The following LNX1 variants were observed in gnomAD, a reference collection of about 807,000 sequenced individuals.
LNX1 encodes the protein E3 ubiquitin-protein ligase LNX.
In LNX1, 54 loss-of-function variants were observed where a neutral mutation model predicts 68.4. That is an observed-to-expected ratio of 0.79 (90% CI 0.63 to 0.99). LNX1 has a LOEUF of 0.99. Among genes scored for constraint, LNX1 ranks in the 50% least tolerant of loss-of-function variants. The pLI is 0.00. For synonymous variants in LNX1, 336 were observed against 350.0 expected (o/e 0.96, Z 0.45); for missense variants, 906 against 926.4 (o/e 0.98, Z 0.29).
chr4:53,614,946 A>T (rs1463278468), intron 2 of LNX1, among the ~76,000 whole-genome samples: 1 of 150,928 alleles, frequency 6.6e-6, no homozygotes, highest in Non-Finnish European at 1.5e-5. Flanking sequence ...ATCTTATCCC[A>T]AGTTGACTTT....
At chr4:53,579,337 G>A in intron 1 of LNX1, 1 of 878,472 alleles carries the variant, frequency 1.1e-6, no homozygotes, top group East Asian at 1.2e-4. Context: ...CCTTCTTTCT[G>A]ATCTGGAATA....
At chr4:53,637,113 G>C (rs568773069) in intron 1 of LNX1, among the ~76,000 whole-genome samples, 4 of 152,082 alleles carry the variant, frequency 2.6e-5, no homozygotes, top group African/African-American at 7.2e-5. Flanking sequence ...AGTTTGATGA[G>C]AGGAAACCCA....
chr4:53,616,341 C>A (rs1733677545), intron 2 of LNX1, among the ~76,000 whole-genome samples: 1 of 152,200 alleles, frequency 6.6e-6, no homozygotes, highest in Non-Finnish European at 1.5e-5. Context: ...CAAAGGCAGG[C>A]ACTGCATCTA....
At chr4:53,499,700 TC>T (rs1453545180) in intron 4 of LNX1, among the ~76,000 whole-genome samples, 1 of 152,232 alleles carries the variant, frequency 6.6e-6, no homozygotes, top group East Asian at 1.9e-4. Context: ...TTTGAAAATT[TC>T]TTCCTTAAAG....
At chr4:53,524,352 C>T (rs562757908) in intron 2 of LNX1, 3 of 152,196 alleles carry the variant, frequency 2.0e-5, no homozygotes, top group African/African-American at 2.4e-5. Context: ...CTTAAGGTAA[C>T]AAATGTTTGT....
intron 2 of LNX1, among the ~76,000 whole-genome samples, chr4:53,538,272 T>TA (rs1190486968): frequency 1.3e-5 from 2 of 152,172 alleles, no homozygotes; most frequent in Non-Finnish European, 1.5e-5. Context: ...CTGGACTGCC[T>TA]ACAGAACAGT....
At chr4:53,586,585 G>C (rs1441120899) in intron 1 of LNX1, among the ~76,000 whole-genome samples, 1 of 152,138 alleles carries the variant, frequency 6.6e-6, no homozygotes. Context: ...AAATGTCCCC[G>C]GTTAATTGGG....
At chr4:53,579,483 G>A (rs1385149814) in intron 1 of LNX1, among the ~76,000 whole-genome samples, 1 of 151,946 alleles carries the variant, frequency 6.6e-6, no homozygotes, top group Admixed American at 6.6e-5. Context: ...TGATTTTATT[G>A]TCTAGCCTAA....
At chr4:53,519,103 G>A (rs1340044023) in intron 2 of LNX1, among the ~76,000 whole-genome samples, 1 of 152,186 alleles carries the variant, frequency 6.6e-6, no homozygotes, top group Non-Finnish European at 1.5e-5. Context: ...GTCCCCACAT[G>A]CCCAGGCTGG....
chr4:53,505,939 T>A (rs570373016), intron 4 of LNX1, among the ~76,000 whole-genome samples: 1 of 152,296 alleles, frequency 6.6e-6, no homozygotes, highest in African/African-American at 2.4e-5. Flanking sequence ...ACAGCATTTA[T>A]AGGACTGTAA....
At chr4:53,582,062 ATTATGACC>A (rs1731868890) in intron 1 of LNX1, among the ~76,000 whole-genome samples, 2 of 152,128 alleles carry the variant, frequency 1.3e-5, no homozygotes, top group African/African-American at 4.8e-5. Context: ...CCTCACCTTA[ATTATGACC>A]TTGTCACTGT....
intron 1 of LNX1, among the ~76,000 whole-genome samples, chr4:53,650,570 T>C (rs1735059056): frequency 6.6e-6 from 1 of 152,184 alleles, no homozygotes; most frequent in African/African-American, 2.4e-5. Context: ...TCTATACATA[T>C]AGATTAACAT....
intron 2 of LNX1, among the ~76,000 whole-genome samples, chr4:53,521,539 C>T (rs542726767): frequency 2.0e-5 from 3 of 152,284 alleles, no homozygotes; most frequent in South Asian, 4.1e-4. Flanking sequence ...TAGCTGGTTC[C>T]TCATACCAAA....
At chr4:53,649,630 C>A (rs1735017761) in intron 1 of LNX1, among the ~76,000 whole-genome samples, 2 of 152,206 alleles carry the variant, frequency 1.3e-5, no homozygotes, top group Non-Finnish European at 2.9e-5. Flanking sequence ...AGTATTTCAT[C>A]CTTCCTGCAC....
At chr4:53,468,840 C>T (rs1017107018) in intron 9 of LNX1, among the ~76,000 whole-genome samples, 1 of 152,168 alleles carries the variant, frequency 6.6e-6, no homozygotes, top group Non-Finnish European at 1.5e-5. Context: ...ATTCATAAAG[C>T]AAGTCCTTAG....
chr4:53,631,339 C>T (rs756173605), intron 1 of LNX1, among the ~76,000 whole-genome samples: 1 of 152,176 alleles, frequency 6.6e-6, no homozygotes, highest in Non-Finnish European at 1.5e-5. Context: ...AAGAAGGGAA[C>T]TTCCCTGTGG....
At position 53,477,888 on chromosome 4, in the gene LNX1, C is replaced by T. The variant is rs536604166; in HGVS notation, c.1663+677G>A. The stretch of plus-strand genomic sequence containing the variant: ...TACCATCCCCCTGTGGCTCCTCAGG[C>T]TCAGCAGCTGTACTTGGGAAACTTC... On this transcript the variant is annotated intron_variant, in intron 8 of 10. Coordinates refer to ENST00000263925, the MANE Select transcript of LNX1 (RefSeq NM_001126328.3). Among the ~76,000 whole-genome samples the T allele has an allele frequency of 9.9e-5, 15 of 152,230 alleles. No homozygotes were observed. The East Asian group carries it at 2.9e-3, about 29-fold the overall frequency.
At position 53,568,801 on chromosome 4, in the gene LNX1, G is replaced by A. The variant is rs184638692; in HGVS notation, c.380+4822C>T. 8.2e-3 allele frequency among the ~76,000 whole-genome samples: 1,234 copies of A among 151,006 alleles called. 18 individuals carry two copies. The highest frequency in any genetic ancestry group is 0.027 in the African/African-American group (1,097 of 40,366). On this transcript the variant is annotated intron_variant, in intron 2 of 10. Transcript: ENST00000263925. ...CCAAAATCTCCTTAAGCTGATAAGC[G>A]ACTTCAGCAAAGTCTCAGGACACAA... is the stretch of plus-strand genomic sequence containing the variant.
intron 1 of LNX1, among the ~76,000 whole-genome samples, chr4:53,582,985 T>C (rs1316131040): frequency 6.6e-6 from 1 of 152,230 alleles, no homozygotes; most frequent in Non-Finnish European, 1.5e-5. Flanking sequence ...ACTACTGCCC[T>C]GGCCCTAGCT....
Sources: allele counts gnomAD v4.1 joint callset (sites outside exome capture counted in the v4.1 genomes callset), GRCh38; gene constraint gnomAD v4.1.1; transcripts MANE v1.5; gene names NCBI Gene and HGNC (gene_info 2026-07-23, HGNC 2026-07-21).